ABLIM2: variants seen among roughly 807,000 people sequenced by gnomAD.
The protein encoded by ABLIM2 is actin-binding LIM protein 2.
Under a neutral mutation model 97.7 loss-of-function variants are expected in ABLIM2, and 53 were observed. The observed-to-expected ratio is 0.54, with a 90% CI of 0.44 to 0.68. The LOEUF (loss-of-function observed/expected upper bound fraction) is 0.68. ABLIM2 is among the 30% of genes least tolerant of loss of function. ABLIM2 has a pLI of 0.00. For missense variants in ABLIM2, 835 were observed against 867.2 expected (o/e 0.96, Z 0.47); for synonymous variants, 361 against 345.8 (o/e 1.04, Z -0.49).
intron 9 of ABLIM2, among the ~76,000 whole-genome samples, chr4:8,040,854 T>C (rs527574709): frequency 3.9e-5 from 6 of 152,260 alleles, no homozygotes; most frequent in African/African-American, 1.4e-4. Flanking sequence ...CGTGTCAGAA[T>C]TGGGAGCACG....
intron 20 of ABLIM2, among the ~76,000 whole-genome samples, chr4:7,978,217 C>T (rs983086495): frequency 3.9e-5 from 6 of 152,160 alleles, no homozygotes; most frequent in Non-Finnish European, 7.4e-5. Context: ...CCGAGGCAGA[C>T]AGGCAGCCGC....
chr4:8,059,212 G>T (rs1466932504), intron 7 of ABLIM2, among the ~76,000 whole-genome samples: 1 of 151,998 alleles, frequency 6.6e-6, no homozygotes, highest in Admixed American at 6.6e-5. Context: ...GAGAGTGATG[G>T]GGCTCAGAAC....
At position 8,060,947 on chromosome 4, in the gene ABLIM2, C is replaced by T. The variant is rs1306648495; in HGVS notation, c.763+20G>A. ...TAGTTCCTTGCTCTAGGGGACCAAA[C>T]AACACATTTTAATTTGTACCTTGAA... On this transcript the variant is annotated intron_variant, in intron 7 of 20. Transcript: ENST00000447017. 1 of 1,559,546 alleles carries T rather than the reference C, an allele frequency of 6.4e-7. No individual in the cohort carries two copies. The highest frequency in any genetic ancestry group is 1.4e-5 in the African/African-American group (1 of 73,798).
rs1749452888 is a variant in ABLIM2 at position 7,992,271 on chromosome 4, T to C, written c.1680+595A>G. 2.0e-5 allele frequency among the ~76,000 whole-genome samples: 3 copies of C among 152,178 alleles called. No homozygotes were observed. Among genetic ancestry groups the C allele is most frequent in the Admixed American group, 2.0e-4 (3 of 15,274 alleles). ...AGCCCCCAGATTGTCTGGGCTCATATTCAGATGTCCCAAGCATCAGAAAAC... is the reference window on the plus strand; with the variant it reads ...AGCCCCCAGATTGTCTGGGCTCATACTCAGATGTCCCAAGCATCAGAAAAC... On this transcript the variant is annotated intron_variant, in intron 17 of 20. Coordinates refer to ENST00000447017, the MANE Select transcript of ABLIM2 (RefSeq NM_001130083.2). The surrounding 1 kb of genome is among the most constrained non-coding windows in gnomAD (Gnocchi z 5.7).
At position 8,043,079 on chromosome 4, in the gene ABLIM2, G is replaced by T. The variant is rs1167407508; in HGVS notation, c.900+2085C>A. Among the ~76,000 whole-genome samples the T allele has an allele frequency of 3.9e-5, 6 of 152,064 alleles. No individual in the cohort carries two copies. The highest frequency in any genetic ancestry group is 1.4e-4 in the African/African-American group (6 of 41,392). ...GGTGGGAGGATCGCCTGAGCCCGGG[G>T]AGGTTGAGGCTGCCATGAGCCATGA... On this transcript the variant is annotated intron_variant, in intron 9 of 20. Coordinates refer to ENST00000447017, the MANE Select transcript of ABLIM2 (RefSeq NM_001130083.2). The surrounding 1 kb of genome is among the most constrained non-coding windows in gnomAD (Gnocchi z 4.8).
chr4:8,062,530 C>A (rs190354891), intron 6 of ABLIM2, among the ~76,000 whole-genome samples: 2 of 152,132 alleles, frequency 1.3e-5, no homozygotes, highest in African/African-American at 4.8e-5. Flanking sequence ...AGCTCTGCCC[C>A]CCAGGTTCAC....
At chr4:8,013,529 G>A (rs1450789484) in intron 14 of ABLIM2, among the ~76,000 whole-genome samples, 1 of 152,126 alleles carries the variant, frequency 6.6e-6, no homozygotes, top group Admixed American at 6.5e-5. Context: ...CAGCCCTTGG[G>A]TAAACATTTG....
intron 14 of ABLIM2, chr4:8,010,656 A>G (rs1400800106): frequency 1.3e-5 from 12 of 899,442 alleles, no homozygotes; most frequent in Non-Finnish European, 1.6e-5. Flanking sequence ...CAGGAGAGAC[A>G]GTGATTTTCA....
At chr4:8,146,516 ATTT>A (rs1223552140) in intron 1 of ABLIM2, among the ~76,000 whole-genome samples, 19 of 152,126 alleles carry the variant, frequency 1.2e-4, no homozygotes, top group Non-Finnish European at 1.3e-4. Flanking sequence ...GGTTTAACAC[ATTT>A]TTTATTTTTC....
At chr4:8,102,813 G>A (rs1365300872) in intron 2 of ABLIM2, among the ~76,000 whole-genome samples, 2 of 152,212 alleles carry the variant, frequency 1.3e-5, no homozygotes, top group African/African-American at 4.8e-5. Context: ...GCCCACCTGA[G>A]GACGGCCATG....
rs1195600027 is a variant in ABLIM2, at chr4:8,155,467, G to A, written c.10+3213C>T. Among the ~76,000 whole-genome samples, 1 of 152,102 alleles carries A rather than the reference G, an allele frequency of 6.6e-6. No homozygotes were observed. The highest frequency in any genetic ancestry group is 1.5e-5 in the Non-Finnish European group (1 of 68,024). ...CCCTTTGTGCAGGTGGGTGGGTTTG[G>A]GCTGGAACATTCCTCATGTCCCTTC... On this transcript the variant is annotated intron_variant, in intron 1 of 20. Transcript: ENST00000447017. This position sits in a 1 kb window ranked among gnomAD's most constrained non-coding sequence, Gnocchi z 4.2.
chr4:7,981,165 G>A (rs546917576), intron 20 of ABLIM2, among the ~76,000 whole-genome samples: 6 of 151,672 alleles, frequency 4.0e-5, no homozygotes, highest in Admixed American at 6.6e-5. Context: ...GGATGGTCTC[G>A]GTCTCCTGAC....
At chr4:8,121,487 T>G (rs1302368358) in intron 1 of ABLIM2, among the ~76,000 whole-genome samples, 3 of 152,088 alleles carry the variant, frequency 2.0e-5, no homozygotes, top group Non-Finnish European at 4.4e-5. Context: ...ATGGGAGGTG[T>G]CCCGGAGGGT....
At chr4:7,980,938 C>CTTTTT (rs1255215577) in intron 20 of ABLIM2, among the ~76,000 whole-genome samples, 1 of 38,492 alleles carries the variant, frequency 2.6e-5, no homozygotes, top group African/African-American at 1.1e-4. Flanking sequence ...TCCACAACCC[C>CTTTTT]TTATTTTTTT....
At position 7,970,046 on chromosome 4, in the gene ABLIM2, T is replaced by C. The variant is rs1423130700; in HGVS notation, c.1825-2943A>G. On this transcript the variant is annotated intron_variant, in intron 20 of 20. Coordinates refer to ENST00000447017, the MANE Select transcript of ABLIM2 (RefSeq NM_001130083.2). The surrounding 1 kb of genome is among the most constrained non-coding windows in gnomAD (Gnocchi z 5.3). ...AAAATCACCATCTTCTGAATTATGGTGGAACAATCAAGACGGATGAGATCA... is the reference window on the plus strand; with the variant it reads ...AAAATCACCATCTTCTGAATTATGGCGGAACAATCAAGACGGATGAGATCA... Among the ~76,000 whole-genome samples the C allele has an allele frequency of 1.3e-5, 2 of 152,086 alleles. No individual in the cohort carries two copies. The highest frequency in any genetic ancestry group is 2.9e-5 in the Non-Finnish European group (2 of 68,008).
chr4:8,120,144 A>G lies in ABLIM2; in HGVS notation c.11-13507T>C, dbSNP rs73075960. 1.3e-5 allele frequency among the ~76,000 whole-genome samples: 2 copies of G among 152,044 alleles called. No individual in the cohort carries two copies. Among genetic ancestry groups the G allele is most frequent in the Non-Finnish European group, 2.9e-5 (2 of 67,966 alleles). ...TCTCCTCTGGGAGGCAGGAAGAGAA[A>G]AACAGCCCAGCGGCCACGCTGCCCC... On this transcript the variant is annotated intron_variant, in intron 1 of 20. Transcript: ENST00000447017. The surrounding 1 kb of genome is among the most constrained non-coding windows in gnomAD (Gnocchi z 5.6).
chr4:8,036,630 C>T (rs1035907682), intron 9 of ABLIM2, among the ~76,000 whole-genome samples: 1 of 152,196 alleles, frequency 6.6e-6, no homozygotes, highest in African/African-American at 2.4e-5. Context: ...GGCCCAGCCA[C>T]AAAAGAGCCA....
At chr4:8,012,464 C>T (rs1195439588) in intron 14 of ABLIM2, among the ~76,000 whole-genome samples, 1 of 149,146 alleles carries the variant, frequency 6.7e-6, no homozygotes, top group Non-Finnish European at 1.5e-5. Context: ...TTCATTTACC[C>T]ATTGATCCAT....
chr4:8,040,875 T>C (rs891764642), intron 9 of ABLIM2, among the ~76,000 whole-genome samples: 4 of 152,136 alleles, frequency 2.6e-5, no homozygotes, highest in Non-Finnish European at 5.9e-5. Context: ...TGTCCTTGCA[T>C]TGTGGCTCCA....
Sources: gnomAD v4.1 joint callset for allele counts (sites outside exome capture counted in the v4.1 genomes callset) on GRCh38, gnomAD v4.1.1 for gene constraint, Gnocchi (gnomAD v3.1) non-coding constraint, MANE v1.5 for transcripts, NCBI Gene and HGNC (gene_info 2026-07-23, HGNC 2026-07-21) for gene names.